The following DGKK variants were observed in gnomAD, a reference collection of about 807,000 sequenced individuals.
The protein encoded by DGKK is diacylglycerol kinase kappa, also known as 142 kDa diacylglycerol kinase.
In DGKK, 35 loss-of-function variants were observed where a neutral mutation model predicts 92.2. That is an observed-to-expected ratio of 0.38 (90% CI 0.29 to 0.50). The LOEUF is 0.50. Ranked by LOEUF, DGKK falls within the 20% of genes least tolerant of loss-of-function variation. The pLI, the probability that DGKK is intolerant of heterozygous loss-of-function variation, is 0.92. For missense variants in DGKK, 910 were observed against 992.2 expected (o/e 0.92, Z 1.11); for synonymous variants, 368 against 360.6 (o/e 1.02, Z -0.23).
intron 4 of DGKK, among the ~76,000 whole-genome samples, chrX:50,411,078 C>G (rs1307562635): frequency 9.0e-6 from 1 of 111,065 alleles, no homozygotes; most frequent in East Asian, 2.8e-4. Flanking sequence ...GGCTTGAATC[C>G]CTAGCTAGCT....
intron 1 of DGKK, among the ~76,000 whole-genome samples, chrX:50,434,397 G>A (rs1292873802): frequency 8.9e-6 from 1 of 111,840 alleles, no homozygotes; most frequent in Admixed American, 9.5e-5. Flanking sequence ...GTTCTAAGTC[G>A]CAGTGAATAG....
intron 7 of DGKK, 131 bp downstream of exon 7, chrX:50,402,930 T>C (rs1557226790): frequency 6.8e-6 from 6 of 878,191 alleles, no homozygotes; most frequent in Non-Finnish European, 9.2e-6. Context: ...ATTTATACTA[T>C]GGAATCTGTT....
chrX:50,408,622 A>G (rs1356004374), intron 4 of DGKK, among the ~76,000 whole-genome samples: 1 of 110,058 alleles, frequency 9.1e-6, no homozygotes, highest in Non-Finnish European at 1.9e-5. Flanking sequence ...TGACCTCGTG[A>G]TCCGCCCGCC....
chrX:50,422,980 G>C (rs1055481800), intron 2 of DGKK, among the ~76,000 whole-genome samples: 4 of 111,964 alleles, frequency 3.6e-5, no homozygotes, highest in Non-Finnish European at 7.5e-5. Context: ...ACTGGCCATA[G>C]TAGATACCAT....
chrX:50,430,920 C>T (rs1925868752), intron 1 of DGKK, among the ~76,000 whole-genome samples: 1 of 111,560 alleles, frequency 9.0e-6, no homozygotes, highest in African/African-American at 3.3e-5. Context: ...ATTAACACCC[C>T]CCTGCTGCTT....
intron 1 of DGKK, among the ~76,000 whole-genome samples, chrX:50,459,998 T>C (rs1377287562): frequency 8.9e-6 from 1 of 112,379 alleles, no homozygotes; most frequent in Non-Finnish European, 1.9e-5. Context: ...TGAAATAATA[T>C]GTTAAATGTA....
In DGKK at chrX:50,384,773, G is replaced by A. The variant is rs1457061477; in HGVS notation, c.2399C>T (p.Thr800Ile). The change falls in exon 16 of 28, where the codon ACT becomes ATT. Residue 800 changes from threonine (T) to isoleucine (I), a missense_variant. By Grantham distance (89) the Thr-to-Ile change is moderately conservative. Transcript: ENST00000611977. ...TTCTGGGTCATCTTCCAGGAAGAAA[G>A]TTGAACTAAAGTTCTTAACAGATAT... ...QTISVKNFSS[T>I]FFLEDDPEDI... The A allele has an allele frequency of 1.4e-5, 17 of 1,208,632 alleles. No homozygotes were observed. Among genetic ancestry groups the A allele is most frequent in the Non-Finnish European group, 1.9e-5 (17 of 894,411 alleles).
intron 1 of DGKK, among the ~76,000 whole-genome samples, chrX:50,454,148 A>G (rs782147595): frequency 1.8e-5 from 2 of 111,242 alleles, no homozygotes; most frequent in Admixed American, 9.5e-5. Context: ...CTCATCACTG[A>G]ACCCAAGTCT....
intron 7 of DGKK, 91 bp downstream of exon 7, chrX:50,402,969 GA>G (rs1251274284): frequency 9.3e-7 from 1 of 1,075,536 alleles, no homozygotes; most frequent in African/African-American, 1.9e-5. Flanking sequence ...GAGTTTCTTA[GA>G]TTTCTATCTA....
At position 50,415,490 on chromosome X, in the gene DGKK, G is replaced by T. The variant is rs781995514; in HGVS notation, c.942+4913C>A. On this transcript the variant is annotated intron_variant, in intron 4 of 27. Transcript: ENST00000611977. ...TGCTGCTGCTGCCCAGCACGGTACT[G>T]CCTATGACTACCTCAGGAAAAGATC... 2.9e-4 allele frequency among the ~76,000 whole-genome samples: 32 copies of T among 111,630 alleles called. No individual in the cohort carries two copies. In the Middle Eastern group the frequency reaches 0.014, roughly 48 times the overall value.
In DGKK at chrX:50,391,350, C is replaced by T. The variant is rs1174253676; in HGVS notation, c.1844+87G>A. On this transcript the variant is annotated intron_variant, in intron 11 of 27. Coordinates refer to ENST00000611977, the MANE Select transcript of DGKK (RefSeq NM_001013742.4). ...AGAAAGGAAATGAGGCTCTATCAAT[C>T]AGAGAGGTTAAAGTATTCCTGATTG... 6 of 1,109,477 alleles carry T rather than the reference C, an allele frequency of 5.4e-6. No individual in the cohort carries two copies. In the African/African-American group the frequency reaches 1.1e-4, roughly 20 times the overall value. The allele number at this position is 1,109,477 out of a possible 1,213,427, so 91.4% of individuals were successfully genotyped here. A position where few individuals can be genotyped will look rare whatever the true frequency, so the allele number is the denominator to read the frequency against.
chrX:50,384,965 G>A (rs7060896), intron 15 of DGKK, 141 bp from the exon 16 acceptor site: 126,400 of 452,204 alleles, frequency 0.28, 14,750 homozygotes, highest in African/African-American at 0.56. Context: ...TGTTTAGTTA[G>A]TGGGTAGATG....
At chrX:50,410,222 A>G (rs1451416379) in intron 4 of DGKK, among the ~76,000 whole-genome samples, 4 of 112,222 alleles carry the variant, frequency 3.6e-5, no homozygotes, top group Non-Finnish European at 5.6e-5. Context: ...TCTGAATAGA[A>G]TTTTAAAGGA....
chrX:50,379,930 T>C (rs781823567), intron 19 of DGKK, 51 bp downstream of exon 19: 2 of 1,091,998 alleles, frequency 1.8e-6, no homozygotes, highest in Non-Finnish European at 2.5e-6. Flanking sequence ...CCCAAGGCCA[T>C]GAGATTTCCT....
chrX:50,371,688 CTTTCCCTTTA>C (rs1453573718), intron 26 of DGKK, 26 bp downstream of exon 26: 13 of 1,035,136 alleles, frequency 1.3e-5, no homozygotes, highest in Non-Finnish European at 1.7e-5. Flanking sequence ...AAGAATCCCT[CTTTCCCTTTA>C]TTTCCCAATT....
intron 27 of DGKK, among the ~76,000 whole-genome samples, chrX:50,369,487 C>T (rs782773264): frequency 1.6e-4 from 17 of 107,103 alleles, no homozygotes; most frequent in Admixed American, 1.0e-3. Context: ...TTTCTCCTTC[C>T]GTCCTTTCTT....
intron 4 of DGKK, among the ~76,000 whole-genome samples, chrX:50,417,201 G>A (rs782084293): frequency 2.8e-5 from 3 of 109,024 alleles, no homozygotes; most frequent in East Asian, 5.7e-4. Context: ...ATGATAGGGA[G>A]TTGTCCACCT....
intron 1 of DGKK, among the ~76,000 whole-genome samples, chrX:50,434,745 T>C (rs1557230611): frequency 9.0e-6 from 1 of 111,647 alleles, no homozygotes; most frequent in African/African-American, 3.3e-5. Flanking sequence ...ATTTTGCATA[T>C]ATACAACTTT....
chrX:50,384,843 G>A lies in DGKK; in HGVS notation c.2348-19C>T, dbSNP rs375298869. ...TCCAGAGCTATAGAGAAAAGTGGGA[G>A]GAAGGAAAGCAAAAAAGAAAGGAGG... On this transcript the variant is annotated intron_variant, in intron 15 of 27. Transcript: ENST00000611977. The A allele has an allele frequency of 7.0e-6, 8 of 1,137,733 alleles. No individual in the cohort carries two copies. In the African/African-American group the frequency reaches 9.1e-5, roughly 13 times the overall value. The allele number at this position is 1,137,733 out of a possible 1,213,427, so 93.8% of individuals were successfully genotyped here. A position where few individuals can be genotyped will look rare whatever the true frequency, so the allele number is the denominator to read the frequency against.
Sources: allele counts gnomAD v4.1 joint callset (sites outside exome capture counted in the v4.1 genomes callset), GRCh38; gene constraint gnomAD v4.1.1; transcripts MANE v1.5; gene names NCBI Gene and HGNC (gene_info 2026-07-23, HGNC 2026-07-21).